Variants in USF3 observed in about 807,000 individuals in gnomAD.
USF3 encodes the protein basic helix-loop-helix domain-containing protein USF3.
USF3 carries 29 observed loss-of-function variants against 157.5 expected under a neutral mutation model. The ratio of observed to expected loss-of-function variants is 0.18; its 90% CI spans 0.14 to 0.25. The LOEUF (loss-of-function observed/expected upper bound fraction) is 0.25, where lower values mean the gene tolerates loss of function less well. USF3 is among the 10% of genes least tolerant of loss of function. The pLI is 1.00. For synonymous variants in USF3, 893 were observed against 941.4 expected (o/e 0.95, Z 0.94); for missense variants, 2,381 against 2,667.6 (o/e 0.89, Z 2.37).
At chr3:113,681,045 C>T (rs1297563895) in intron 1 of USF3, among the ~76,000 whole-genome samples, 2 of 150,936 alleles carry the variant, frequency 1.3e-5, no homozygotes, top group Admixed American at 1.3e-4. Context: ...GGTGTGATCT[C>T]GGCTCACTGC....
At chr3:113,685,533 T>C (rs554127839) in intron 1 of USF3, among the ~76,000 whole-genome samples, 16 of 152,212 alleles carry the variant, frequency 1.1e-4, no homozygotes, top group African/African-American at 2.4e-4. Context: ...CTTTATTTTA[T>C]TGTGGCTGAG....
At position 113,657,786 on chromosome 3, in the gene USF3, T is replaced by C; in HGVS notation, c.3896A>G (p.Gln1299Arg). ...PSLMTEYSQE[Q>R]LNTMTSTIPN... ...TATGGTACTAGTCATAGTATTTAGC[T>C]GTTCTTGGGAATATTCAGTCATCAG... is the stretch of plus-strand genomic sequence containing the variant. The change falls in exon 7 of 7, where the codon CAG (glutamine) becomes CGG (arginine). Residue 1299 changes from glutamine (Q) to arginine (R), a missense_variant. Gln to Arg is a conservative substitution (Grantham distance 43, BLOSUM62 1). Transcript: ENST00000316407. 6.2e-7 allele frequency: 1 copy of C among 1,614,204 alleles called. No homozygotes were observed. The highest frequency in any genetic ancestry group is 8.5e-7 in the Non-Finnish European group (1 of 1,180,044).
At chr3:113,667,951 A>G (rs978656417) in intron 5 of USF3, among the ~76,000 whole-genome samples, 1 of 152,106 alleles carries the variant, frequency 6.6e-6, no homozygotes, top group Non-Finnish European at 1.5e-5. Flanking sequence ...GGAAATGAAG[A>G]GTAAGTCCTT....
chr3:113,692,601 A>C (rs529588560), intron 1 of USF3, among the ~76,000 whole-genome samples: 12 of 152,296 alleles, frequency 7.9e-5, no homozygotes, highest in Admixed American at 2.6e-4. Context: ...AATCCTAATA[A>C]GTCTAAAACG....
In USF3 at chr3:113,656,710, G is replaced by A. The variant is rs1390189117; in HGVS notation, c.4972C>T (p.His1658Tyr). The part of the protein sequence containing the change: ...TRSSDMTCTP[H>Y]RPERNRVSSY... ...GAAACTCTATTTCTCTCTGGCCTGT[G>A]TGGAGTACAGGTCATGTCTGAAGAT... The change falls in exon 7 of 7, where the codon CAC (histidine) becomes TAC (tyrosine). Residue 1658 changes from histidine to tyrosine, a missense_variant. His to Tyr is a moderately conservative substitution (Grantham distance 83). Around this residue, in one of 6 missense-constraint regions of USF3, gnomAD observed 770 missense variants for 824.2 expected, o/e 0.93. Coordinates refer to ENST00000316407, the MANE Select transcript of USF3 (RefSeq NM_001009899.4). The A allele has an allele frequency of 6.2e-7, 1 of 1,614,120 alleles. No homozygotes were observed.
intron 2 of USF3, among the ~76,000 whole-genome samples, chr3:113,676,420 T>C: frequency 6.6e-6 from 1 of 152,130 alleles, no homozygotes; most frequent in Non-Finnish European, 1.5e-5. Flanking sequence ...AAACATATCC[T>C]TTACATGGCG....
At chr3:113,672,154 T>C (rs2107940348) in intron 4 of USF3, among the ~76,000 whole-genome samples, 1 of 151,438 alleles carries the variant, frequency 6.6e-6, no homozygotes, top group East Asian at 1.9e-4. Flanking sequence ...TTTCTTTTTT[T>C]TTTTTGAGAT....
chr3:113,658,308 G>A lies in USF3; in HGVS notation c.3374C>T (p.Thr1125Ile). 6.2e-7 allele frequency: 1 copy of A among 1,614,146 alleles called. No individual in the cohort carries two copies. Among genetic ancestry groups the A allele is most frequent in the Non-Finnish European group, 8.5e-7 (1 of 1,180,026 alleles). ...TACTATATCAGTTTGCTCTACAAAG[G>A]TACAGCTGTCACATGTATTAGTTGT... ...NATTNTCDSCTFVEQTDIVAL... is the reference protein window; with the variant it reads ...NATTNTCDSCIFVEQTDIVAL... Residue 1125 changes from threonine (T) to isoleucine (I), a missense_variant, in exon 7 of 7, where the codon ACC becomes ATC. Physicochemically the swap from Thr to Ile is moderately conservative, Grantham distance 89. Around this residue, in one of 6 missense-constraint regions of USF3, gnomAD observed 1,435 missense variants for 1,550.9 expected, o/e 0.93. Coordinates refer to ENST00000316407, the MANE Select transcript of USF3 (RefSeq NM_001009899.4).
In USF3 at chr3:113,656,219, C is replaced by T. The variant is rs532583145; in HGVS notation, c.5463G>A (p.Gln1821=). 10 of 1,614,160 alleles carry T rather than the reference C, an allele frequency of 6.2e-6. No homozygotes were observed. The South Asian group carries it at 1.1e-4, about 18-fold the overall frequency. The part of the protein sequence containing the change: ...SENTCHQSFM[Q]SLLAPHLSDQ... ...CACTGAGGTGAGGGGCAAGTAAGCT[C>T]TGCATGAAACTTTGGTGACAAGTAT... The change falls in exon 7 of 7, where the codon CAG becomes CAA. Residue 1821 remains glutamine (Q), a synonymous_variant. Transcript: ENST00000316407.
In USF3 at chr3:113,656,082, A is replaced by G. The variant is rs1947352583; in HGVS notation, c.5600T>C (p.Ile1867Thr). ...NCPPTHENVH[I>T]RRESESQNRE... Reference sequence around the variant, plus strand: ...ATTCTGACTCTCACTCTCTCTTCTAATATGGACATTTTCATGAGTTGGGGG... The same window carrying G: ...ATTCTGACTCTCACTCTCTCTTCTAGTATGGACATTTTCATGAGTTGGGGG... The change falls in exon 7 of 7, where the codon ATT becomes ACT. Residue 1867 changes from isoleucine to threonine, a missense_variant. Around this residue, in one of 6 missense-constraint regions of USF3, gnomAD observed 770 missense variants for 824.2 expected, o/e 0.93. Coordinates refer to ENST00000316407, the MANE Select transcript of USF3 (RefSeq NM_001009899.4). The G allele has an allele frequency of 6.2e-7, 1 of 1,614,162 alleles. No homozygotes were observed. The highest frequency in any genetic ancestry group is 2.2e-5 in the East Asian group (1 of 44,886).
chr3:113,660,118 T>G lies in USF3; in HGVS notation c.1564A>C (p.Asn522His). 6.2e-7 allele frequency: 1 copy of G among 1,614,174 alleles called. No homozygotes were observed. Among genetic ancestry groups the G allele is most frequent in the Non-Finnish European group, 8.5e-7 (1 of 1,180,034 alleles). The part of the protein sequence containing the change: ...QPQVKSQPPK[N>H]ILPLNSAMQV... Reference sequence around the variant, plus strand: ...ATTGCTGAATTCAGTGGAAGGATATTTTTGGGAGGCTGAGATTTAACTTGT... The same window carrying G: ...ATTGCTGAATTCAGTGGAAGGATATGTTTGGGAGGCTGAGATTTAACTTGT... The change falls in exon 7 of 7, where the codon AAT (asparagine) becomes CAT (histidine). Residue 522 changes from asparagine to histidine, a missense_variant. By Grantham distance (68) the Asn-to-His change is moderately conservative. Coordinates refer to ENST00000316407, the MANE Select transcript of USF3 (RefSeq NM_001009899.4).
rs757795739 is a variant in USF3 at position 113,655,818 on chromosome 3, G to T, written c.5864C>A (p.Ser1955Tyr). 1 of 1,614,194 alleles carries T rather than the reference G, an allele frequency of 6.2e-7. No individual in the cohort carries two copies. Among genetic ancestry groups the T allele is most frequent in the East Asian group, 2.2e-5 (1 of 44,878 alleles). ...GVARPALPHP[S>Y]VSHGNGDQGP... ...TTGATCGCCATTTCCATGAGACACA[G>T]ATGGATGTGGCAACGCTGGCCTTGC... Residue 1955 changes from serine to tyrosine, a missense_variant, in exon 7 of 7, where the codon TCT becomes TAT. Physicochemically the swap from Ser to Tyr is moderately radical, Grantham distance 144. Around this residue, in one of 6 missense-constraint regions of USF3, gnomAD observed 770 missense variants for 824.2 expected, o/e 0.93. Coordinates refer to ENST00000316407, the MANE Select transcript of USF3 (RefSeq NM_001009899.4).
intron 3 of USF3, among the ~76,000 whole-genome samples, chr3:113,673,963 C>A (rs1032896773): frequency 6.6e-6 from 1 of 152,132 alleles, no homozygotes; most frequent in Non-Finnish European, 1.5e-5. Flanking sequence ...CCTTTTTATA[C>A]ACAATTACTC....
In USF3 at chr3:113,660,297, C is replaced by T; in HGVS notation, c.1385G>A (p.Gly462Asp). 1.2e-6 allele frequency: 2 copies of T among 1,614,112 alleles called. No individual in the cohort carries two copies. Among genetic ancestry groups the T allele is most frequent in the Non-Finnish European group, 1.7e-6 (2 of 1,179,980 alleles). The change falls in exon 7 of 7, where the codon GGT becomes GAT. Residue 462 changes from glycine (G) to aspartate (D), a missense_variant. Gly to Asp is a moderately conservative substitution (Grantham distance 94). Around this residue, in one of 6 missense-constraint regions of USF3, gnomAD observed 1,435 missense variants for 1,550.9 expected, o/e 0.93. Transcript: ENST00000316407. ...GTGGTTGCTTGTGGTGGGGCTAGTA[C>T]CAGACTCATTTAATACTGGAGTCAC... ...SAVTPVLNES[G>D]TSPTTSNHSR...
chr3:113,680,313 T>C (rs1559721477), intron 1 of USF3, among the ~76,000 whole-genome samples: 1 of 152,120 alleles, frequency 6.6e-6, no homozygotes, highest in African/African-American at 2.4e-5. Context: ...GACTTCTTCA[T>C]GGTTCAATTT....
intron 3 of USF3, among the ~76,000 whole-genome samples, chr3:113,674,021 T>C (rs1438144775): frequency 6.6e-6 from 1 of 152,218 alleles, no homozygotes; most frequent in Non-Finnish European, 1.5e-5. Context: ...AAGAGAATCA[T>C]GATTTTAATA....
rs1320007380 is a variant in USF3, at chr3:113,650,819, C to A, written c.*4125G>T. 6.6e-6 allele frequency: 1 copy of A among 151,978 alleles called. No individual in the cohort carries two copies. The highest frequency in any genetic ancestry group is 1.5e-5 in the Non-Finnish European group (1 of 67,970). 9.4% of individuals were successfully genotyped at this position (151,978 alleles called of 1,614,324 possible). On this transcript the variant is annotated 3_prime_UTR_variant, in exon 7 of 7. Coordinates refer to ENST00000316407, the MANE Select transcript of USF3 (RefSeq NM_001009899.4). ...CTGGAAAATGCTGCAAAAAAATAAC[C>A]CCCTCCTTTCTCTTTCCCCAGTTCT...
intron 3 of USF3, among the ~76,000 whole-genome samples, chr3:113,673,606 C>G (rs1364044739): frequency 6.6e-6 from 1 of 152,230 alleles, no homozygotes; most frequent in Non-Finnish European, 1.5e-5. Flanking sequence ...AACTACAACT[C>G]TCTATTCTTC....
chr3:113,677,991 C>T (rs1429435322), intron 1 of USF3, among the ~76,000 whole-genome samples: 1 of 149,522 alleles, frequency 6.7e-6, no homozygotes, highest in East Asian at 2.0e-4. Context: ...TTCTCCCCTC[C>T]CCTCCCCTCC....
Sources: gnomAD v4.1 joint callset for allele counts (sites outside exome capture counted in the v4.1 genomes callset) on GRCh38, gnomAD v4.1.1 for gene constraint, gnomAD v4.1.1 regional missense constraint, MANE v1.5 for transcripts, NCBI Gene and HGNC (gene_info 2026-07-23, HGNC 2026-07-21) for gene names.